PDE12: variants seen among roughly 807,000 people sequenced by gnomAD.
PDE12 encodes the protein 2',5'-phosphodiesterase 12.
PDE12 carries 26 observed loss-of-function variants against 45.4 expected under a neutral mutation model. The ratio of observed to expected loss-of-function variants is 0.57; its 90% CI spans 0.42 to 0.79. PDE12 has a LOEUF of 0.79. Among genes scored for constraint, PDE12 ranks in the 30% least tolerant of loss-of-function variants. PDE12 has a pLI of 0.00. For synonymous variants in PDE12, 283 were observed against 323.9 expected (o/e 0.87, Z 1.36); for missense variants, 668 against 790.0 (o/e 0.85, Z 1.85).
downstream of PDE12, among the ~76,000 whole-genome samples, chr3:57,568,577 A>T (rs1391266125): frequency 6.6e-6 from 1 of 151,386 alleles, no homozygotes; most frequent in East Asian, 1.9e-4. Flanking sequence ...CACAAAAGAT[A>T]CACTTCTTTT....
the PDE12 span, chr3:57,641,598 A>C: frequency 6.3e-6 from 9 of 1,418,702 alleles, no homozygotes; most frequent in Non-Finnish European, 8.6e-6. Context: ...GAAAAGAAAG[A>C]AACCTGTTCA....
Position 57,563,135 on chromosome 3 carries a change from G to A in PDE12, c.*3131G>A, listed in dbSNP as rs1406340602. The A allele has an allele frequency of 1.3e-5, 2 of 152,130 alleles. No individual in the cohort carries two copies. The highest frequency in any genetic ancestry group is 4.8e-5 in the African/African-American group (2 of 41,446). The allele number at this position is 152,130 out of a possible 1,614,324, so 9.4% of individuals were successfully genotyped here. On this transcript the variant is annotated 3_prime_UTR_variant, in exon 3 of 3. Transcript: ENST00000311180. ...TGAAAAATAAAAGTTTGCATTATTA[G>A]TTTATCACAAGACCCATGTGACAAC...
At chr3:57,636,632 A>G in the PDE12 span, among the ~76,000 whole-genome samples, 2 of 152,302 alleles carry the variant, frequency 1.3e-5, no homozygotes, top group East Asian at 3.9e-4. Context: ...AGTTAAGCCA[A>G]CTTGTAAGAG....
Position 57,556,915 on chromosome 3 carries a change from TGTGCCCCAAACTCA to T in PDE12, c.538_551del (p.Cys180ProfsTer15). On this transcript the variant is annotated frameshift_variant, in exon 1 of 3. Coordinates refer to ENST00000311180, the MANE Select transcript of PDE12 (RefSeq NM_177966.7). LOFTEE classifies it high-confidence loss of function. The surrounding 1 kb of genome is among the most constrained non-coding windows in gnomAD (Gnocchi z 5.0). The stretch of plus-strand genomic sequence containing the variant: ...CGCTACATCATGGCCGGGTTCCCTG[TGTGCCCCAAACTCA>T]GCCTCGAATTTGGGGATCCCGCCAG... 6.2e-7 allele frequency: 1 copy of T among 1,614,204 alleles called. No individual in the cohort carries two copies. The highest frequency in any genetic ancestry group is 2.2e-5 in the East Asian group (1 of 44,884).
At chr3:57,609,271 C>G in the PDE12 span, among the ~76,000 whole-genome samples, 1 of 152,076 alleles carries the variant, frequency 6.6e-6, no homozygotes, top group South Asian at 2.1e-4. Flanking sequence ...TAAATGCCCA[C>G]AAGAGAAAGC....
chr3:57,610,029 A>G, the PDE12 span, among the ~76,000 whole-genome samples: 1 of 152,176 alleles, frequency 6.6e-6, no homozygotes, highest in East Asian at 1.9e-4. Flanking sequence ...CAAAAAGCTT[A>G]TCCATCATAA....
At chr3:57,656,486 G>A in the PDE12 span, among the ~76,000 whole-genome samples, 1 of 151,988 alleles carries the variant, frequency 6.6e-6, no homozygotes, top group African/African-American at 2.4e-5. Context: ...CTACTATATA[G>A]ACATTTGCAT....
the PDE12 span, chr3:57,631,162 A>G: frequency 1.7e-6 from 1 of 580,484 alleles, no homozygotes; most frequent in South Asian, 2.4e-5. Flanking sequence ...GATTTCAAAT[A>G]AAAATTCAAC....
the PDE12 span, among the ~76,000 whole-genome samples, chr3:57,614,544 GTTTTTTTTT>G: frequency 8.2e-6 from 1 of 121,318 alleles, no homozygotes; most frequent in East Asian, 2.5e-4. Context: ...TTTGTTTTTT[GTTTTTTTTT>G]TTTTTTTTTG....
the PDE12 span, chr3:57,577,400 T>G: frequency 1.2e-6 from 2 of 1,611,058 alleles, no homozygotes; most frequent in African/African-American, 2.7e-5. Context: ...GGGGAAAAAT[T>G]GTTTCAGTAA....
the PDE12 span, among the ~76,000 whole-genome samples, chr3:57,611,183 T>C: frequency 6.6e-6 from 1 of 152,114 alleles, no homozygotes; most frequent in East Asian, 1.9e-4. Flanking sequence ...TAGCCATACG[T>C]AGAAAGCTGA....
the PDE12 span, among the ~76,000 whole-genome samples, chr3:57,604,617 T>G: frequency 0.17 from 1,377 of 7,952 alleles, 27 homozygotes; most frequent in Middle Eastern, 0.62. Context: ...TTTTTTTTTT[T>G]GGGGGGGGTG....
At chr3:57,578,053 AAAAC>A in the PDE12 span, among the ~76,000 whole-genome samples, 2 of 152,098 alleles carry the variant, frequency 1.3e-5, no homozygotes, top group African/African-American at 4.8e-5. Flanking sequence ...CCTATCTCAA[AAAAC>A]AAACAAAAAA....
the PDE12 span, among the ~76,000 whole-genome samples, chr3:57,604,913 A>G: frequency 4.0e-3 from 609 of 152,186 alleles, 6 homozygotes; most frequent in African/African-American, 0.014. Context: ...ATGCCAGCCA[A>G]GACTCCATCT....
the PDE12 span, among the ~76,000 whole-genome samples, chr3:57,637,813 A>T: frequency 6.9e-6 from 1 of 144,896 alleles, no homozygotes; most frequent in African/African-American, 2.5e-5. Context: ...AACAAAAAAA[A>T]TAAATAAATA....
chr3:57,630,616 A>G, the PDE12 span: 4 of 1,524,936 alleles, frequency 2.6e-6, no homozygotes, highest in Admixed American at 6.9e-5. Flanking sequence ...GTCAAACTTT[A>G]GTAGAATTTT....
chr3:57,575,455 A>G, the PDE12 span: 1 of 1,258,508 alleles, frequency 7.9e-7, no homozygotes. Context: ...TGTCCAAAGG[A>G]GATAATAAAT....
At chr3:57,573,979 T>C in the PDE12 span, among the ~76,000 whole-genome samples, 1 of 152,182 alleles carries the variant, frequency 6.6e-6, no homozygotes, top group African/African-American at 2.4e-5. Context: ...TCTCGCTCTG[T>C]CACCCAGGCT....
the PDE12 span, among the ~76,000 whole-genome samples, chr3:57,580,038 G>A: frequency 6.6e-6 from 1 of 152,096 alleles, no homozygotes; most frequent in African/African-American, 2.4e-5. Flanking sequence ...GAGGTTGACT[G>A]AAGCTACAGT....
Sources: gnomAD v4.1 joint callset for allele counts (sites outside exome capture counted in the v4.1 genomes callset) on GRCh38, gnomAD v4.1.1 for gene constraint, Gnocchi (gnomAD v3.1) non-coding constraint, MANE v1.5 for transcripts, NCBI Gene and HGNC (gene_info 2026-07-23, HGNC 2026-07-21) for gene names.